ELF1: variants seen among roughly 807,000 people sequenced by gnomAD.
ELF1 encodes E74 like ETS transcription factor 1.
A neutral mutation model predicts 59.9 loss-of-function variants in ELF1; 24 were observed. That is an observed-to-expected ratio of 0.40 (90% CI 0.29 to 0.56). The LOEUF is 0.56. Among genes scored for constraint, ELF1 ranks in the 20% least tolerant of loss-of-function variants. The pLI, the probability that ELF1 is intolerant of heterozygous loss-of-function variation, is 0.44. For missense variants in ELF1, 627 were observed against 742.2 expected (o/e 0.84, Z 1.80); for synonymous variants, 248 against 266.2 (o/e 0.93, Z 0.67).
intron 1 of ELF1, among the ~76,000 whole-genome samples, chr13:41,053,687 G>T (rs140876242): frequency 0.019 from 2,964 of 152,236 alleles, 40 homozygotes; most frequent in Non-Finnish European, 0.031. Context: ...TCATCTCTTA[G>T]GAAAGTTTTA....
intron 8 of ELF1, among the ~76,000 whole-genome samples, chr13:40,940,000 AGACT>A (rs969947316): frequency 1.1e-4 from 16 of 152,206 alleles, no homozygotes; most frequent in African/African-American, 3.9e-4. Context: ...TATACAAAGA[AGACT>A]GAATCTTCTA....
chr13:41,041,884 C>T (rs933517946), intron 1 of ELF1, among the ~76,000 whole-genome samples: 3 of 152,180 alleles, frequency 2.0e-5, no homozygotes, highest in African/African-American at 7.2e-5. Flanking sequence ...ATCTCAATAC[C>T]TGTGTGTACA....
intron 2 of ELF1, among the ~76,000 whole-genome samples, chr13:40,979,496 T>A (rs1873131376): frequency 6.6e-6 from 1 of 152,224 alleles, no homozygotes; most frequent in Non-Finnish European, 1.5e-5. Flanking sequence ...CCACCGCTAC[T>A]ACTAGGTAGA....
At position 40,955,520 on chromosome 13, in the gene ELF1, G is replaced by A. The variant is rs1253683059; in HGVS notation, c.253+3316C>T. On this transcript the variant is annotated intron_variant, in intron 3 of 8. Transcript: ENST00000239882. ...TGGGAAGTGAGGAGTCCCTCTGCCC[G>A]GCCAGCCGCCCCGTCCGGGAAGTAG... Among the ~76,000 whole-genome samples, 13 of 94,890 alleles carry A rather than the reference G, an allele frequency of 1.4e-4. 1 individual carries two copies. The highest frequency in any genetic ancestry group is 4.5e-4 in the African/African-American group (11 of 24,578). The allele number at this position is 94,890 out of a possible 152,430, so 62.3% of individuals were successfully genotyped here.
chr13:40,942,618 T>C (rs1236895625), intron 7 of ELF1, among the ~76,000 whole-genome samples: 1 of 152,102 alleles, frequency 6.6e-6, no homozygotes, highest in Non-Finnish European at 1.5e-5. Context: ...CCTCCCGGGC[T>C]CAGGTGATTC....
chr13:40,936,245 T>A (rs973154246), intron 8 of ELF1, among the ~76,000 whole-genome samples: 1 of 152,028 alleles, frequency 6.6e-6, no homozygotes, highest in Non-Finnish European at 1.5e-5. Flanking sequence ...GCCACTTAAG[T>A]CCTGAGCAAC....
chr13:41,035,635 G>C (rs912892995), intron 1 of ELF1, among the ~76,000 whole-genome samples: 4 of 150,916 alleles, frequency 2.7e-5, no homozygotes, highest in Non-Finnish European at 4.4e-5. Flanking sequence ...ATTTGACCCA[G>C]GGTCTATACC....
chr13:41,013,811 A>G lies in ELF1; in HGVS notation c.-229+5417T>C, dbSNP rs188865798. Among the ~76,000 whole-genome samples, 11 of 152,152 alleles carry G rather than the reference A, an allele frequency of 7.2e-5. No homozygotes were observed. The East Asian group carries it at 2.1e-3, about 29-fold the overall frequency. On this transcript the variant is annotated intron_variant, in intron 1 of 8. Transcript: ENST00000239882. ...TGCCCCATTACAATACTAAACTTCC[A>G]TTTAGTATTTTGATATAAAAAATAA...
chr13:40,980,436 T>C (rs927428154), intron 2 of ELF1, among the ~76,000 whole-genome samples: 3 of 152,156 alleles, frequency 2.0e-5, no homozygotes, highest in Non-Finnish European at 4.4e-5. Flanking sequence ...CCATCTCCCT[T>C]TCCAAAAACA....
In ELF1 at chr13:40,982,135, T is replaced by G. The variant is rs1015885698; in HGVS notation, c.-81A>C. On this transcript the variant is annotated 5_prime_UTR_variant, in exon 2 of 9. Coordinates refer to ENST00000239882, the MANE Select transcript of ELF1 (RefSeq NM_172373.4). ...CAGGCAGCAAAATCCAGTGACTGAT[T>G]TGGGTAAAAAACCCTCAGCTCTGTC... is the stretch of plus-strand genomic sequence containing the variant. 5.1e-6 allele frequency: 8 copies of G among 1,565,328 alleles called. No individual in the cohort carries two copies. The highest frequency in any genetic ancestry group is 1.4e-5 in the African/African-American group (1 of 73,094).
intron 3 of ELF1, among the ~76,000 whole-genome samples, chr13:40,957,653 A>G (rs1278181441): frequency 6.6e-6 from 1 of 152,096 alleles, no homozygotes; most frequent in Admixed American, 6.6e-5. Context: ...CTCCCCAGCC[A>G]TGCTTCCTGT....
intron 7 of ELF1, among the ~76,000 whole-genome samples, chr13:40,942,249 TA>T (rs1467159266): frequency 6.6e-5 from 10 of 152,296 alleles, no homozygotes; most frequent in Admixed American, 6.5e-4. Context: ...AAACTGTAAT[TA>T]AAGAGTTTTA....
At chr13:41,033,779 G>A (rs1028126886) in intron 1 of ELF1, among the ~76,000 whole-genome samples, 2 of 152,168 alleles carry the variant, frequency 1.3e-5, no homozygotes, top group Admixed American at 6.5e-5. Context: ...CATGAAACTG[G>A]TCACTGGTGC....
chr13:40,944,113 G>A (rs1404304465), intron 5 of ELF1, among the ~76,000 whole-genome samples, 188 bp from the exon 6 acceptor site: 1 of 152,188 alleles, frequency 6.6e-6, no homozygotes, highest in African/African-American at 2.4e-5. Context: ...GGACATTAAT[G>A]CAGGTTAAAC....
intron 1 of ELF1, 107 bp downstream of exon 1, chr13:41,019,121 G>GTT (rs1200591458): frequency 4.5e-5 from 40 of 880,330 alleles, no homozygotes; most frequent in Non-Finnish European, 5.2e-5. Flanking sequence ...TTTTATCAGA[G>GTT]GGTTAAAGAA....
exon 1 of ELF1, chr13:41,061,378 C>T: frequency 1.9e-6 from 1 of 528,994 alleles, no homozygotes; most frequent in Non-Finnish European, 3.4e-6. Flanking sequence ...GGTCCCGTCG[C>T]GCTTTTACCC....
intron 8 of ELF1, among the ~76,000 whole-genome samples, chr13:40,934,770 A>C (rs1479400932): frequency 6.6e-6 from 1 of 152,178 alleles, no homozygotes; most frequent in Non-Finnish European, 1.5e-5. Context: ...CATCCACAAT[A>C]ATTACCAAAA....
chr13:41,045,390 A>G (rs1354461426), intron 1 of ELF1, among the ~76,000 whole-genome samples: 1 of 152,090 alleles, frequency 6.6e-6, no homozygotes, highest in Non-Finnish European at 1.5e-5. Flanking sequence ...TTAGGGTGTC[A>G]ATTTTAGATC....
At chr13:41,055,859 T>C (rs1877269975) in intron 1 of ELF1, among the ~76,000 whole-genome samples, 1 of 151,942 alleles carries the variant, frequency 6.6e-6, no homozygotes, top group Non-Finnish European at 1.5e-5. Context: ...AATTTTTGTT[T>C]TTTTTTTTCT....
Sources: gnomAD v4.1 joint callset for allele counts (sites outside exome capture counted in the v4.1 genomes callset) on GRCh38, gnomAD v4.1.1 for gene constraint, MANE v1.5 for transcripts, NCBI Gene and HGNC (gene_info 2026-07-23, HGNC 2026-07-21) for gene names.